MAGI2: variants seen among roughly 807,000 people sequenced by gnomAD.
The protein encoded by MAGI2 is membrane-associated guanylate kinase, WW and PDZ domain-containing protein 2.
Under a neutral mutation model 133.3 loss-of-function variants are expected in MAGI2, and 35 were observed. That is an observed-to-expected ratio of 0.26 (90% CI 0.20 to 0.35). The LOEUF is 0.35. Among genes scored for constraint, MAGI2 ranks in the 10% least tolerant of loss-of-function variants. The pLI is 1.00. For missense variants in MAGI2, 1,636 were observed against 1,863.4 expected, an observed-to-expected ratio of 0.88 and a Z score of 2.25; for synonymous variants, 729 against 710.6, an observed-to-expected ratio of 1.03 and a Z score of -0.41.
intron 2 of MAGI2, among the ~76,000 whole-genome samples, chr7:78,768,107 AAT>A (rs936942982): frequency 6.6e-6 from 1 of 152,218 alleles, no homozygotes; most frequent in Non-Finnish European, 1.5e-5. Context: ...ATCTGGTTTA[AAT>A]ATGAGTGCCA....
intron 8 of MAGI2, among the ~76,000 whole-genome samples, chr7:78,345,232 A>G (rs1245983599): frequency 1.3e-5 from 2 of 152,238 alleles, no homozygotes; most frequent in South Asian, 2.1e-4. Flanking sequence ...ATAGTTGGAG[A>G]TAAGTTCACC....
intron 16 of MAGI2, chr7:78,158,162 C>A (rs1261886802): frequency 6.6e-6 from 1 of 152,128 alleles, no homozygotes; most frequent in Non-Finnish European, 1.5e-5. Flanking sequence ...GCTAGAAACT[C>A]CCACAGTTTA....
chr7:78,129,734 C>T (rs776507042), intron 18 of MAGI2, among the ~76,000 whole-genome samples: 30 of 151,918 alleles, frequency 2.0e-4, no homozygotes, highest in African/African-American at 6.5e-4. Flanking sequence ...CACCTGAGGT[C>T]GGGAGTTCGA....
At chr7:78,294,054 G>A (rs1303276483) in intron 9 of MAGI2, among the ~76,000 whole-genome samples, 2 of 150,106 alleles carry the variant, frequency 1.3e-5, no homozygotes, top group African/African-American at 4.9e-5. Context: ...TTGTGCACAT[G>A]TACCCTAGAA....
intron 2 of MAGI2, among the ~76,000 whole-genome samples, chr7:78,988,724 T>C (rs1184008199): frequency 6.6e-6 from 1 of 152,024 alleles, no homozygotes; most frequent in African/African-American, 2.4e-5. Context: ...GCCCCATAAT[T>C]ACAATGAACT....
At chr7:78,260,588 C>A (rs769627867) in intron 9 of MAGI2, among the ~76,000 whole-genome samples, 3 of 152,144 alleles carry the variant, frequency 2.0e-5, no homozygotes, top group African/African-American at 4.8e-5. Context: ...AGATACATTT[C>A]TTTTGAAAGC....
rs1401972665 is a variant in MAGI2, at chr7:78,942,785, G to A, written c.418+64305C>T. ...ATGTATTTGATCTAATTTATCTCTG[G>A]CAATGTAAATGTTACATAGACTATA... On this transcript the variant is annotated intron_variant, in intron 2 of 21. Transcript: ENST00000354212. Among the ~76,000 whole-genome samples the A allele has an allele frequency of 2.0e-5, 3 of 151,672 alleles. No individual in the cohort carries two copies. In the East Asian group the frequency reaches 5.8e-4, roughly 29 times the overall value.
chr7:78,480,559 G>A (rs528980672), intron 6 of MAGI2, among the ~76,000 whole-genome samples: 1 of 151,918 alleles, frequency 6.6e-6, no homozygotes, highest in South Asian at 2.1e-4. Flanking sequence ...ACTTATCCCA[G>A]GTATGCAAGG....
intron 2 of MAGI2, among the ~76,000 whole-genome samples, chr7:78,637,544 T>C (rs1044683632): frequency 1.3e-5 from 2 of 151,808 alleles, no homozygotes; most frequent in Non-Finnish European, 2.9e-5. Context: ...AAGTAAGAAA[T>C]AATAGCATTG....
At chr7:79,276,784 C>T (rs1026451394) in intron 1 of MAGI2, among the ~76,000 whole-genome samples, 6 of 151,966 alleles carry the variant, frequency 3.9e-5, no homozygotes, top group African/African-American at 7.2e-5. Context: ...GACAACATGG[C>T]GAAACCTCAT....
At chr7:79,399,249 C>T (rs917610845) in intron 1 of MAGI2, among the ~76,000 whole-genome samples, 1 of 151,738 alleles carries the variant, frequency 6.6e-6, no homozygotes, top group Non-Finnish European at 1.5e-5. Context: ...TGCATGCTAC[C>T]ATACCTGGCT....
intron 9 of MAGI2, among the ~76,000 whole-genome samples, chr7:78,280,411 C>T (rs1334174318): frequency 6.6e-6 from 1 of 152,080 alleles, no homozygotes; most frequent in Non-Finnish European, 1.5e-5. Flanking sequence ...TCTCAGCTTA[C>T]AACATATTGT....
At chr7:78,449,430 A>T (rs1788487262) in intron 6 of MAGI2, among the ~76,000 whole-genome samples, 1 of 152,112 alleles carries the variant, frequency 6.6e-6, no homozygotes, top group Non-Finnish European at 1.5e-5. Flanking sequence ...TAAAAGGAAA[A>T]ACAGCATGTC....
At chr7:78,800,467 A>G (rs1055379174) in intron 2 of MAGI2, among the ~76,000 whole-genome samples, 4 of 152,118 alleles carry the variant, frequency 2.6e-5, no homozygotes, top group Non-Finnish European at 4.4e-5. Flanking sequence ...CTCACAATCA[A>G]TTATTCAGAA....
At chr7:78,114,537 C>A (rs753571008) in intron 20 of MAGI2, among the ~76,000 whole-genome samples, 1 of 152,240 alleles carries the variant, frequency 6.6e-6, no homozygotes, top group Non-Finnish European at 1.5e-5. Flanking sequence ...AGCTCCTCCC[C>A]AGTCCAGGCA....
intron 1 of MAGI2, among the ~76,000 whole-genome samples, chr7:79,133,329 A>G (rs568819294): frequency 1.8e-4 from 28 of 152,204 alleles, no homozygotes; most frequent in African/African-American, 6.7e-4. Context: ...TTTTTTTTAT[A>G]AGGTAAGAGA....
chr7:78,046,936 C>A (rs1811498350), intron 21 of MAGI2, among the ~76,000 whole-genome samples: 2 of 152,156 alleles, frequency 1.3e-5, no homozygotes, highest in Non-Finnish European at 2.9e-5. Flanking sequence ...TCATATATTA[C>A]ATGTTGGTTT....
chr7:78,129,610 A>G (rs1821338628), intron 18 of MAGI2, among the ~76,000 whole-genome samples: 2 of 152,186 alleles, frequency 1.3e-5, no homozygotes, highest in Non-Finnish European at 2.9e-5. Context: ...GAACAAAGAA[A>G]TGCTGCCAAT....
intron 21 of MAGI2, among the ~76,000 whole-genome samples, chr7:78,077,633 G>A (rs546129087): frequency 1.6e-4 from 19 of 116,510 alleles, no homozygotes; most frequent in African/African-American, 5.8e-4. Flanking sequence ...TGAACTCAGG[G>A]TATAGATCTG....
Sources: allele counts gnomAD v4.1 joint callset (sites outside exome capture counted in the v4.1 genomes callset), GRCh38; gene constraint gnomAD v4.1.1; transcripts MANE v1.5; gene names NCBI Gene and HGNC (gene_info 2026-07-23, HGNC 2026-07-21).